The following GALNT18 variants were observed in gnomAD, a reference collection of about 807,000 sequenced individuals.
GALNT18 encodes the protein polypeptide N-acetylgalactosaminyltransferase 18.
Under a neutral mutation model 69.5 loss-of-function variants are expected in GALNT18, and 44 were observed. The observed-to-expected ratio is 0.63, with a 90% CI of 0.50 to 0.81. GALNT18 has a LOEUF of 0.81. Ranked by LOEUF, GALNT18 falls within the 40% of genes least tolerant of loss-of-function variation. GALNT18 has a pLI of 0.00. For missense variants in GALNT18, 715 were observed against 810.0 expected (o/e 0.88, Z 1.42); for synonymous variants, 364 against 318.2 (o/e 1.14, Z -1.53).
chr11:11,506,878 A>G (rs901046287), intron 1 of GALNT18, among the ~76,000 whole-genome samples: 6 of 152,194 alleles, frequency 3.9e-5, no homozygotes, highest in African/African-American at 1.4e-4. Context: ...GTCCTCTCTC[A>G]GATAATCCTA....
chr11:11,340,776 T>C lies in GALNT18; in HGVS notation c.1278+43A>G, dbSNP rs766308075. ...GTCCCATATCTTGTTTTGTTTGTTT[T>C]CCACCAATCCCCGAGAAACTCATCC... On this transcript the variant is annotated intron_variant, in intron 7 of 10. Transcript: ENST00000227756. This position sits in a 1 kb window ranked among gnomAD's most constrained non-coding sequence, Gnocchi z 4.2. 3.2e-6 allele frequency: 5 copies of C among 1,547,086 alleles called. No homozygotes were observed. The South Asian group carries it at 6.1e-5, about 19-fold the overall frequency.
chr11:11,466,827 G>A (rs61870303), intron 1 of GALNT18, among the ~76,000 whole-genome samples: 2,993 of 152,318 alleles, frequency 0.02, 36 homozygotes, highest in Non-Finnish European at 0.031. Flanking sequence ...AAGCAAGACA[G>A]AAGGGAGACC....
At chr11:11,450,079 C>T (rs7483708) in intron 1 of GALNT18, among the ~76,000 whole-genome samples, 150,015 of 152,296 alleles carry the variant, frequency 0.99, 73,925 homozygotes, top group Middle Eastern at 1. Flanking sequence ...TTGGACAGAA[C>T]TGGCAAGCCC....
intron 3 of GALNT18, among the ~76,000 whole-genome samples, chr11:11,405,734 G>A (rs1267835326): frequency 6.6e-6 from 1 of 152,222 alleles, no homozygotes; most frequent in Non-Finnish European, 1.5e-5. Context: ...ATGCCTAGAA[G>A]CTATCAGATG....
intron 1 of GALNT18, among the ~76,000 whole-genome samples, chr11:11,578,827 T>C (rs1858997981): frequency 1.3e-5 from 2 of 152,248 alleles, no homozygotes; most frequent in Non-Finnish European, 2.9e-5. Flanking sequence ...CCAGCCAACC[T>C]TTCCCTAACA....
chr11:11,275,192 CCT>C (rs1848916137), intron 10 of GALNT18, among the ~76,000 whole-genome samples: 1 of 152,212 alleles, frequency 6.6e-6, no homozygotes, highest in African/African-American at 2.4e-5. Flanking sequence ...TTCTCCACAT[CCT>C]CTCTAGCATC....
intron 9 of GALNT18, among the ~76,000 whole-genome samples, chr11:11,316,786 G>A (rs1297342339): frequency 6.6e-6 from 1 of 152,188 alleles, no homozygotes; most frequent in East Asian, 1.9e-4. Flanking sequence ...GTGGGCTAGT[G>A]GGAAAGGAGT....
At chr11:11,311,117 A>T (rs760390943) in intron 9 of GALNT18, among the ~76,000 whole-genome samples, 3 of 152,156 alleles carry the variant, frequency 2.0e-5, no homozygotes, top group African/African-American at 4.8e-5. Context: ...AAGAATGGTA[A>T]GCATCCTACA....
In GALNT18 at chr11:11,619,014, C is replaced by A. The variant is rs534579916; in HGVS notation, c.235+2345G>T. On this transcript the variant is annotated intron_variant, in intron 1 of 10. Transcript: ENST00000227756. This position sits in a 1 kb window ranked among gnomAD's most constrained non-coding sequence, Gnocchi z 4.9. ...TTCAGAGAGCTGCACTTGACCAGCC[C>A]CAAATTTTATAGGCCCTTTACCTCT... Among the ~76,000 whole-genome samples, 19 of 152,142 alleles carry A rather than the reference C, an allele frequency of 1.2e-4. No individual in the cohort carries two copies. The highest frequency in any genetic ancestry group is 2.1e-4 in the Non-Finnish European group (14 of 68,032).
In GALNT18 at chr11:11,332,914, C is replaced by T; in HGVS notation, c.1279-83G>A. On this transcript the variant is annotated intron_variant, in intron 7 of 10. Transcript: ENST00000227756. This position sits in a 1 kb window ranked among gnomAD's most constrained non-coding sequence, Gnocchi z 4.3. ...AACTCTACTTTGGCATGACCTTGTG[C>T]CCCCAACAAGATTCCTAGAGACTGG... The T allele has an allele frequency of 1.3e-5, 19 of 1,489,164 alleles. No individual in the cohort carries two copies. The highest frequency in any genetic ancestry group is 1.8e-5 in the Non-Finnish European group (19 of 1,084,236). 92.2% of individuals were successfully genotyped at this position (1,489,164 alleles called of 1,614,324 possible).
intron 1 of GALNT18, among the ~76,000 whole-genome samples, chr11:11,550,467 C>T (rs116224056): frequency 6.6e-6 from 1 of 152,358 alleles, no homozygotes; most frequent in African/African-American, 2.4e-5. Flanking sequence ...AACCCCCATC[C>T]TCATCCATTG....
chr11:11,560,762 C>T (rs1858486072), intron 1 of GALNT18, among the ~76,000 whole-genome samples: 1 of 152,216 alleles, frequency 6.6e-6, no homozygotes, highest in Admixed American at 6.5e-5. Flanking sequence ...AGTCCATTTT[C>T]TTGGGCCCTC....
intron 1 of GALNT18, among the ~76,000 whole-genome samples, chr11:11,560,197 TGAGATAGAATAGAATGGAATATGAA>T (rs1264566281): frequency 1.4e-4 from 3 of 21,578 alleles, no homozygotes; most frequent in African/African-American, 5.0e-4. Context: ...ATGGGATGGG[TGAGATAGAATAGAATGGAATATGAA>T]GGGATGGGAT....
intron 1 of GALNT18, among the ~76,000 whole-genome samples, chr11:11,560,811 T>C (rs180763046): frequency 4.5e-4 from 69 of 152,300 alleles, no homozygotes; most frequent in Non-Finnish European, 8.2e-4. Context: ...ATTACTGAGA[T>C]TCCTGCCAGA....
chr11:11,530,191 C>T (rs1857614043), intron 1 of GALNT18, among the ~76,000 whole-genome samples: 1 of 146,754 alleles, frequency 6.8e-6, no homozygotes. Context: ...CGAGCAAATT[C>T]CAGCCCTAAA....
chr11:11,343,730 T>G (rs1015684446), intron 6 of GALNT18, among the ~76,000 whole-genome samples: 1 of 152,196 alleles, frequency 6.6e-6, no homozygotes, highest in Non-Finnish European at 1.5e-5. Flanking sequence ...TGGCTATTGC[T>G]TGACATATTT....
intron 1 of GALNT18, among the ~76,000 whole-genome samples, chr11:11,513,671 A>G (rs1455256822): frequency 6.6e-6 from 1 of 152,246 alleles, no homozygotes; most frequent in Non-Finnish European, 1.5e-5. Context: ...ACAAAGGACA[A>G]GAGGATTTTA....
intron 1 of GALNT18, among the ~76,000 whole-genome samples, chr11:11,525,632 C>CTTTTT (rs33938067): frequency 8.4e-6 from 1 of 118,658 alleles, no homozygotes; most frequent in African/African-American, 3.2e-5. Flanking sequence ...GTGCATATTA[C>CTTTTT]TTTTTTTTTT....
At chr11:11,345,235 T>G (rs1183885094) in intron 6 of GALNT18, among the ~76,000 whole-genome samples, 3 of 152,208 alleles carry the variant, frequency 2.0e-5, no homozygotes, top group African/African-American at 7.2e-5. Context: ...TTTGGGTTCT[T>G]GGCAGCATCT....
Sources: gnomAD v4.1 joint callset for allele counts (sites outside exome capture counted in the v4.1 genomes callset) on GRCh38, gnomAD v4.1.1 for gene constraint, Gnocchi (gnomAD v3.1) non-coding constraint, MANE v1.5 for transcripts, NCBI Gene and HGNC (gene_info 2026-07-23, HGNC 2026-07-21) for gene names.